CEP83: variants seen among roughly 807,000 people sequenced by gnomAD.
The protein encoded by CEP83 is centrosomal protein of 83 kDa.
Under a neutral mutation model 101.9 loss-of-function variants are expected in CEP83, and 70 were observed. That is an observed-to-expected ratio of 0.69 (90% CI 0.57 to 0.84). The LOEUF (loss-of-function observed/expected upper bound fraction) is 0.84, where lower values mean the gene tolerates loss of function less well. CEP83 is among the 40% of genes least tolerant of loss of function. CEP83 has a pLI of 0.00. For missense variants in CEP83, 715 were observed against 787.2 expected (o/e 0.91, Z 1.10); for synonymous variants, 264 against 267.9 (o/e 0.99, Z 0.14).
At chr12:94,304,868 G>A (rs1298963936), downstream of CEP83, among the ~76,000 whole-genome samples, 2 of 152,218 alleles carry the variant, frequency 1.3e-5, no homozygotes, top group Non-Finnish European at 2.9e-5. Flanking sequence ...CCTGCATGTT[G>A]GCTGCCCAGG....
At chr12:94,278,022 C>T in the CEP83 span, 1 of 456,074 alleles carries the variant, frequency 2.2e-6, no homozygotes, top group South Asian at 1.5e-5. Flanking sequence ...CTAGTGTCCA[C>T]AGTACTTGGG....
chr12:94,326,786 T>A (rs945208753), intron 14 of CEP83, among the ~76,000 whole-genome samples: 2 of 151,706 alleles, frequency 1.3e-5, no homozygotes, highest in Non-Finnish European at 2.9e-5. Flanking sequence ...ACCCAAGAAC[T>A]CCAAGGATTA....
intron 1 of CEP83, among the ~76,000 whole-genome samples, chr12:94,452,370 C>G (rs1251166505): frequency 6.6e-6 from 1 of 151,938 alleles, no homozygotes; most frequent in African/African-American, 2.4e-5. Flanking sequence ...TTAAAAAGGG[C>G]TAGGTAGAAG....
chr12:94,377,466 T>TG (rs1257175753), intron 7 of CEP83, among the ~76,000 whole-genome samples: 2 of 152,256 alleles, frequency 1.3e-5, no homozygotes, highest in African/African-American at 4.8e-5. Context: ...CACCTTAAGT[T>TG]GGGGAACATC....
chr12:94,371,770 G>C (rs1348223136), intron 8 of CEP83, among the ~76,000 whole-genome samples: 1 of 152,144 alleles, frequency 6.6e-6, no homozygotes, highest in Non-Finnish European at 1.5e-5. Context: ...GTGTCTTATT[G>C]GAAGATATTC....
chr12:94,377,361 C>CA (rs1219805281), intron 7 of CEP83, among the ~76,000 whole-genome samples: 1 of 152,136 alleles, frequency 6.6e-6, no homozygotes, highest in Admixed American at 6.5e-5. Context: ...TATCACACCA[C>CA]ATATCAGTAA....
In CEP83 at chr12:94,375,121, T is replaced by C. The variant is rs189180431; in HGVS notation, c.933+765A>G. On this transcript the variant is annotated intron_variant, in intron 8 of 16. Coordinates refer to ENST00000397809, the MANE Select transcript of CEP83 (RefSeq NM_016122.3). ...TGTCCCTGCTCTCTTGGAGCTTACATTGGGTTGAGGGGAAGGTGGTGGGAA... is the reference window on the plus strand; with the variant it reads ...TGTCCCTGCTCTCTTGGAGCTTACACTGGGTTGAGGGGAAGGTGGTGGGAA... Among the ~76,000 whole-genome samples the C allele has an allele frequency of 2.3e-3, 354 of 152,170 alleles. 2 individuals are homozygous for C. The highest frequency in any genetic ancestry group is 7.7e-3 in the African/African-American group (319 of 41,510).
chr12:94,457,005 T>G (rs1483735820), intron 1 of CEP83, among the ~76,000 whole-genome samples: 1 of 152,290 alleles, frequency 6.6e-6, no homozygotes, highest in East Asian at 1.9e-4. Flanking sequence ...TATGTATGTA[T>G]GTATGAGGTC....
At chr12:94,396,581 C>A (rs892060430) in intron 6 of CEP83, among the ~76,000 whole-genome samples, 3 of 152,068 alleles carry the variant, frequency 2.0e-5, no homozygotes, top group Non-Finnish European at 4.4e-5. Context: ...AGGCACCACA[C>A]CTGGCCAACA....
intron 6 of CEP83, among the ~76,000 whole-genome samples, chr12:94,395,334 T>TA (rs528945792): frequency 2.9e-4 from 42 of 145,506 alleles, no homozygotes; most frequent in South Asian, 6.5e-4. Context: ...TAAAGTATAA[T>TA]AAAAAAAAAT....
At chr12:94,383,687 TTC>T (rs1201311860) in intron 6 of CEP83, among the ~76,000 whole-genome samples, 1 of 152,152 alleles carries the variant, frequency 6.6e-6, no homozygotes, top group African/African-American at 2.4e-5. Context: ...TTCTCTTAGT[TTC>T]TCTGTTTTCT....
chr12:94,426,391 T>G (rs1385179202), intron 2 of CEP83, among the ~76,000 whole-genome samples: 1 of 152,200 alleles, frequency 6.6e-6, no homozygotes, highest in Admixed American at 6.5e-5. Flanking sequence ...TCTTGCATTT[T>G]AGTATATACA....
intron 1 of CEP83, among the ~76,000 whole-genome samples, chr12:94,439,155 G>T (rs1317859475): frequency 1.3e-5 from 2 of 151,998 alleles, no homozygotes; most frequent in Non-Finnish European, 2.9e-5. Flanking sequence ...CCCAGCAGAA[G>T]AAAAGAAATA....
At chr12:94,341,544 A>G (rs2136626864) in intron 11 of CEP83, among the ~76,000 whole-genome samples, 1 of 138,400 alleles carries the variant, frequency 7.2e-6, no homozygotes, top group South Asian at 2.4e-4. Flanking sequence ...ACAATTGTTG[A>G]ACATTAAAAA....
chr12:94,302,770 T>C (rs374177099), downstream of CEP83, among the ~76,000 whole-genome samples: 8 of 152,246 alleles, frequency 5.3e-5, no homozygotes, highest in East Asian at 1.2e-3. Flanking sequence ...TAATTATTTG[T>C]ATCATAGTAA....
At position 94,368,021 on chromosome 12, in the gene CEP83, G is replaced by A. The variant is rs142122324; in HGVS notation, c.1193+36C>T. ...ACAGCAAAATGTTTTCATTTGCAAG[G>A]ATATTTAAGTCAAACTAAGGTAATT... On this transcript the variant is annotated intron_variant, in intron 10 of 16. Transcript: ENST00000397809. 3.7e-3 allele frequency: 5,948 copies of A among 1,604,274 alleles called. 18 individuals carry two copies. The highest frequency in any genetic ancestry group is 4.7e-3 in the Non-Finnish European group (5,516 of 1,173,074).
intron 11 of CEP83, among the ~76,000 whole-genome samples, chr12:94,345,151 T>C (rs1356813669): frequency 6.6e-6 from 1 of 152,152 alleles, no homozygotes; most frequent in Non-Finnish European, 1.5e-5. Flanking sequence ...AACCTAAAGG[T>C]AAAAACCAAA....
chr12:94,300,878 A>G, the CEP83 span: 1 of 1,592,738 alleles, frequency 6.3e-7, no homozygotes, highest in Non-Finnish European at 8.6e-7. Flanking sequence ...GAATGGCCCT[A>G]TTTGAAAAGA....
chr12:94,297,435 G>A, the CEP83 span: 7 of 1,584,444 alleles, frequency 4.4e-6, no homozygotes, highest in Non-Finnish European at 6.1e-6. Flanking sequence ...TACACTTACT[G>A]TTCTGGGAGC....
Sources: allele counts gnomAD v4.1 joint callset (sites outside exome capture counted in the v4.1 genomes callset), GRCh38; gene constraint gnomAD v4.1.1; transcripts MANE v1.5; gene names NCBI Gene and HGNC (gene_info 2026-07-23, HGNC 2026-07-21).